The following PPRC1 variants were observed in gnomAD, a reference collection of about 807,000 sequenced individuals.
The protein encoded by PPRC1 is PPARG related coactivator 1, also known as peroxisome proliferator-activated receptor gamma coactivator-related protein 1.
PPRC1 carries 23 observed loss-of-function variants against 132.5 expected under a neutral mutation model. The ratio of observed to expected loss-of-function variants is 0.17; its 90% CI spans 0.12 to 0.25. The LOEUF is 0.25. Among genes scored for constraint, PPRC1 ranks in the 10% least tolerant of loss-of-function variants. PPRC1 has a pLI of 1.00. For synonymous variants in PPRC1, 872 were observed against 833.5 expected, an observed-to-expected ratio of 1.05 and a Z score of -0.80; for missense variants, 2,006 against 2,089.1, an observed-to-expected ratio of 0.96 and a Z score of 0.78.
Position 102,141,496 on chromosome 10 carries a change from T to G in PPRC1, c.2988T>G (p.Thr996=). 6.2e-7 allele frequency: 1 copy of G among 1,613,958 alleles called. No homozygotes were observed. The highest frequency in any genetic ancestry group is 8.5e-7 in the Non-Finnish European group (1 of 1,179,980). ...CTCAACATGCTCCATTCTGGTCTAC[T>G]GTTCCCCCACCTCCTTTGCCTCCAG... ...PGPQHAPFWS[T]VPPPPLPPAS... Residue 996 remains threonine, a synonymous_variant, in exon 5 of 14, where the codon ACT becomes ACG. Transcript: ENST00000278070.
chr10:102,146,628 A>T (rs2069256277), intron 8 of PPRC1, 44 bp from the exon 9 acceptor site: 1 of 1,557,418 alleles, frequency 6.4e-7, no homozygotes, highest in African/African-American at 1.4e-5. Context: ...GAAGCGTAGA[A>T]TCGGATCTCA....
At position 102,138,978 on chromosome 10, in the gene PPRC1, G is replaced by T. The variant is rs1457652628; in HGVS notation, c.589G>T (p.Gly197Trp). 6.8e-6 allele frequency: 11 copies of T among 1,613,010 alleles called. No individual in the cohort carries two copies. The highest frequency in any genetic ancestry group is 8.5e-6 in the Non-Finnish European group (10 of 1,178,956). The change falls in exon 4 of 14, where the codon GGG becomes TGG. Residue 197 changes from glycine (G) to tryptophan (W), a missense_variant and splice_region_variant. Gly to Trp is a radical substitution (Grantham distance 184, BLOSUM62 -2). Transcript: ENST00000278070. ...GPSTGSSRGSGVEMSLPDPSW... is the reference protein window; with the variant it reads ...GPSTGSSRGSWVEMSLPDPSW... ...CAGTACAGGCAGCAGTAGAGGGAGT[G>T]GGGTAAGCCTGACCTAGAGGGTTTC... is the stretch of plus-strand genomic sequence containing the variant.
In PPRC1 at chr10:102,140,048, C is replaced by G; in HGVS notation, c.1540C>G (p.Pro514Ala). The change falls in exon 5 of 14, where the codon CCT becomes GCT. Residue 514 changes from proline to alanine, a missense_variant. By Grantham distance (27) the Pro-to-Ala change is conservative. Around this residue, in one of 2 missense-constraint regions of PPRC1, gnomAD observed 1,914 missense variants for 1,917.2 expected, o/e 1.00. Transcript: ENST00000278070. ...GGAAGAACTTCAAAAAGAGTCTGGG[C>G]CTCTCCAGGGTAAGGGGAAGCCCCG... ...PQEELQKESG[P>A]LQGKGKPRAW... The G allele has an allele frequency of 6.2e-7, 1 of 1,614,196 alleles. No homozygotes were observed. The highest frequency in any genetic ancestry group is 8.5e-7 in the Non-Finnish European group (1 of 1,180,028).
chr10:102,138,843 G>A, intron 3 of PPRC1, 36 bp from the exon 4 acceptor site: 1 of 1,611,916 alleles, frequency 6.2e-7, no homozygotes. Flanking sequence ...TAGCTCTGAA[G>A]CATAGACTGA....
chr10:102,139,631 G>A lies in PPRC1; in HGVS notation c.1123G>A (p.Val375Met). Residue 375 changes from valine (V) to methionine (M), a missense_variant, in exon 5 of 14, where the codon GTG becomes ATG. Val to Met is a conservative substitution (Grantham distance 21, BLOSUM62 1). Around this residue, in one of 2 missense-constraint regions of PPRC1, gnomAD observed 1,914 missense variants for 1,917.2 expected, o/e 1.00. Transcript: ENST00000278070. ...VRQVSPGPRP[V>M]LLDDSLETSS... Reference sequence around the variant, plus strand: ...ACAGGTCTCTCCTGGACCCCGGCCTGTGCTCCTGGATGACTCGCTAGAGAC... The same window carrying A: ...ACAGGTCTCTCCTGGACCCCGGCCTATGCTCCTGGATGACTCGCTAGAGAC... The A allele has an allele frequency of 6.2e-7, 1 of 1,614,008 alleles. No individual in the cohort carries two copies. Among genetic ancestry groups the A allele is most frequent in the Non-Finnish European group, 8.5e-7 (1 of 1,180,040 alleles).
At chr10:102,132,889 C>G, upstream of PPRC1, 1 of 903,138 alleles carries the variant, frequency 1.1e-6, no homozygotes, top group Non-Finnish European at 1.5e-6. Flanking sequence ...GGGACTACTA[C>G]TCCCAGGAAC....
intron 6 of PPRC1, 73 bp downstream of exon 6, chr10:102,143,171 C>CT: frequency 7.0e-7 from 1 of 1,431,492 alleles, no homozygotes; most frequent in Non-Finnish European, 9.8e-7. Flanking sequence ...CCTGTAGTTG[C>CT]TTAAACTAGG....
chr10:102,139,110 C>G lies in PPRC1; in HGVS notation c.602C>G (p.Ser201Cys). ...GSSRGSGVEM[S>C]LPDPSWDFSP... ...TCTTCTCTCCTGCAGGTTGAAATGT[C>G]TCTTCCAGATCCCTCTTGGGACTTC... The change falls in exon 5 of 14, where the codon TCT becomes TGT. Residue 201 changes from serine (S) to cysteine (C), a missense_variant. Physicochemically the swap from Ser to Cys is moderately radical, Grantham distance 112. Around this residue, in one of 2 missense-constraint regions of PPRC1, gnomAD observed 1,914 missense variants for 1,917.2 expected, o/e 1.00. Transcript: ENST00000278070. 6.2e-7 allele frequency: 1 copy of G among 1,607,594 alleles called. No individual in the cohort carries two copies. The highest frequency in any genetic ancestry group is 8.5e-7 in the Non-Finnish European group (1 of 1,176,222).
At position 102,137,291 on chromosome 10, in the gene PPRC1, G is replaced by A. The variant is rs182606683; in HGVS notation, c.154-559G>A. ...GAGACCGAACCCATGAGTGTCATGG[G>A]GATGGGGGTAGGGGGTGGGGTGTGA... On this transcript the variant is annotated intron_variant, in intron 1 of 13. Transcript: ENST00000278070. 7.9e-5 allele frequency among the ~76,000 whole-genome samples: 12 copies of A among 152,246 alleles called. No individual in the cohort carries two copies. In the East Asian group the frequency reaches 1.9e-3, roughly 24 times the overall value.
the PPRC1 span, among the ~76,000 whole-genome samples, chr10:102,123,831 GC>G: frequency 1.5e-5 from 2 of 135,712 alleles, no homozygotes; most frequent in Non-Finnish European, 3.2e-5. Flanking sequence ...ACCACGCCCG[GC>G]CTTTTTTTTT....
chr10:102,122,760 C>G, the PPRC1 span, among the ~76,000 whole-genome samples: 1 of 152,064 alleles, frequency 6.6e-6, no homozygotes, highest in African/African-American at 2.4e-5. Flanking sequence ...CTGAGATTTC[C>G]CTCTCCTAGA....
At chr10:102,130,446 C>T, upstream of PPRC1, among the ~76,000 whole-genome samples, 1 of 104,732 alleles carries the variant, frequency 9.5e-6, no homozygotes, top group South Asian at 3.2e-4. Flanking sequence ...AAAAAAACAA[C>T]TAAACAGGGC....
At chr10:102,126,459 T>C in the PPRC1 span, among the ~76,000 whole-genome samples, 1 of 114,784 alleles carries the variant, frequency 8.7e-6, no homozygotes, top group Non-Finnish European at 1.8e-5. Context: ...GAACTATAAC[T>C]TTTTTTTTTT....
In PPRC1 at chr10:102,139,541, G is replaced by C; in HGVS notation, c.1033G>C (p.Val345Leu). Residue 345 changes from valine (V) to leucine (L), a missense_variant, in exon 5 of 14, where the codon GTG becomes CTG. Val to Leu is a conservative substitution (Grantham distance 32). Coordinates refer to ENST00000278070, the MANE Select transcript of PPRC1 (RefSeq NM_015062.5). ...DDLTLPEGCVVLEIVGQAATA... is the reference protein window; with the variant it reads ...DDLTLPEGCVLLEIVGQAATA... ...TTTGACACTGCCTGAGGGCTGCGTA[G>C]TGCTGGAGATTGTGGGGCAGGCAGC... 6.2e-7 allele frequency: 1 copy of C among 1,613,994 alleles called. No individual in the cohort carries two copies. Among genetic ancestry groups the C allele is most frequent in the South Asian group, 1.1e-5 (1 of 91,090 alleles).
chr10:102,129,015 C>T (rs1449236035), upstream of PPRC1, among the ~76,000 whole-genome samples: 6 of 147,022 alleles, frequency 4.1e-5, no homozygotes, highest in South Asian at 4.4e-4. Flanking sequence ...CTGCAAGCTC[C>T]GCCTCCCGGG....
intron 9 of PPRC1, among the ~76,000 whole-genome samples, chr10:102,147,840 T>C (rs150358268): frequency 2.6e-5 from 4 of 152,336 alleles, no homozygotes; most frequent in African/African-American, 9.6e-5. Context: ...CCTGGCAGTA[T>C]CTTTTTTTCT....
Position 102,141,245 on chromosome 10 carries a change from C to A in PPRC1, c.2737C>A (p.Pro913Thr). ...PLSMGPVLPD[P>T]FTHYAPLPSW... ...GTCTATGGGGCCAGTACTACCTGATCCGTTTACTCACTATGCCCCCTTGCC... is the reference window on the plus strand; with the variant it reads ...GTCTATGGGGCCAGTACTACCTGATACGTTTACTCACTATGCCCCCTTGCC... Residue 913 changes from proline to threonine, a missense_variant, in exon 5 of 14, where the codon CCG (proline) becomes ACG (threonine). Physicochemically the swap from Pro to Thr is conservative, Grantham distance 38. Transcript: ENST00000278070. 6.2e-7 allele frequency: 1 copy of A among 1,614,096 alleles called. No homozygotes were observed. The highest frequency in any genetic ancestry group is 8.5e-7 in the Non-Finnish European group (1 of 1,179,978).
chr10:102,121,525 C>T, the PPRC1 span, among the ~76,000 whole-genome samples: 1 of 152,052 alleles, frequency 6.6e-6, no homozygotes, highest in South Asian at 2.1e-4. Flanking sequence ...CCCAACCCAG[C>T]CCTAGGAGGG....
In PPRC1 at chr10:102,147,289, G is replaced by T. The variant is rs1194600346; in HGVS notation, c.4297G>T (p.Gly1433Trp). ...CCGCAACAGCCGTTCTGTCAGCTCT[G>T]GGTCCAACCGGACTAGCGAAGCATC... ...RGRNSRSVSSGSNRTSEASSS... is the reference protein window; with the variant it reads ...RGRNSRSVSSWSNRTSEASSS... The change falls in exon 9 of 14, where the codon GGG becomes TGG. Residue 1433 changes from glycine (G) to tryptophan (W), a missense_variant. Physicochemically the swap from Gly to Trp is radical, Grantham distance 184. This residue lies in a region of PPRC1 where 1,914 missense variants were observed against 1,917.2 expected (regional missense o/e 1.00). Transcript: ENST00000278070. 2 of 1,612,738 alleles carry T rather than the reference G, an allele frequency of 1.2e-6. No homozygotes were observed. The highest frequency in any genetic ancestry group is 2.7e-5 in the African/African-American group (2 of 74,922).
Sources: gnomAD v4.1 joint callset for allele counts (sites outside exome capture counted in the v4.1 genomes callset) on GRCh38, gnomAD v4.1.1 for gene constraint, gnomAD v4.1.1 regional missense constraint, MANE v1.5 for transcripts, NCBI Gene and HGNC (gene_info 2026-07-23, HGNC 2026-07-21) for gene names.